STRN: variants seen among roughly 807,000 people sequenced by gnomAD.
The protein encoded by STRN is striatin.
STRN carries 53 observed loss-of-function variants against 96.3 expected under a neutral mutation model. That is an observed-to-expected ratio of 0.55 (90% CI 0.44 to 0.69). The LOEUF is 0.69. Ranked by LOEUF, STRN falls within the 30% of genes least tolerant of loss-of-function variation. The probability of loss-of-function intolerance (pLI) is 0.00; values close to 1 mark genes in which losing one functional copy is unlikely to be tolerated. For missense variants in STRN, 987 were observed against 963.9 expected (o/e 1.02, Z -0.32); for synonymous variants, 428 against 355.9 (o/e 1.20, Z -2.28).
chr2:36,939,074 C>T (rs1670776737), intron 1 of STRN, among the ~76,000 whole-genome samples: 1 of 152,006 alleles, frequency 6.6e-6, no homozygotes, highest in African/African-American at 2.4e-5. Flanking sequence ...CAACCTCCAA[C>T]TTGCTGGTTC....
rs533204195 is a variant in STRN at position 36,862,314 on chromosome 2, G to A, written c.1548-1061C>T. Among the ~76,000 whole-genome samples, 3 of 152,246 alleles carry A rather than the reference G, an allele frequency of 2.0e-5. No individual in the cohort carries two copies. The South Asian group carries it at 6.2e-4, about 32-fold the overall frequency. On this transcript the variant is annotated intron_variant, in intron 12 of 17. Coordinates refer to ENST00000263918, the MANE Select transcript of STRN (RefSeq NM_003162.4). ...TGACTGGTAGTTCAAACTTCTTTGA[G>A]AAATCACCAAACTGGCTTTCCACAG...
At chr2:36,907,259 G>A (rs1669845736) in intron 3 of STRN, among the ~76,000 whole-genome samples, 2 of 152,100 alleles carry the variant, frequency 1.3e-5, no homozygotes, top group East Asian at 1.9e-4. Flanking sequence ...TTGAAATTAA[G>A]TATTTACGGG....
At chr2:36,886,695 G>C (rs746665294) in intron 8 of STRN, 21 bp downstream of exon 8, 20 of 1,572,330 alleles carry the variant, frequency 1.3e-5, no homozygotes, top group Non-Finnish European at 1.7e-5. Context: ...ATGATTTACA[G>C]ATACAATGTT....
At chr2:36,893,360 A>G (rs1011186598) in intron 7 of STRN, among the ~76,000 whole-genome samples, 1 of 152,116 alleles carries the variant, frequency 6.6e-6, no homozygotes, top group Non-Finnish European at 1.5e-5. Context: ...AAATTAAATG[A>G]CCTTTTTTTT....
intron 8 of STRN, among the ~76,000 whole-genome samples, chr2:36,886,099 T>C (rs1457346525): frequency 1.3e-5 from 2 of 152,174 alleles, no homozygotes; most frequent in African/African-American, 2.4e-5. Flanking sequence ...GATTTTGTTT[T>C]TGATGTGGCA....
intron 5 of STRN, among the ~76,000 whole-genome samples, chr2:36,901,249 T>C (rs1669674342): frequency 6.6e-6 from 1 of 152,100 alleles, no homozygotes; most frequent in South Asian, 2.1e-4. Flanking sequence ...GCATTATAGT[T>C]CTTAAAAACA....
At chr2:36,850,951 GA>G in intron 16 of STRN, 48 bp downstream of exon 16, 1 of 751,034 alleles carries the variant, frequency 1.3e-6, no homozygotes, top group Non-Finnish European at 2.0e-6. Flanking sequence ...TTGTGGTAGG[GA>G]TTTTTTTTTT....
chr2:36,871,463 C>CAGTTA (rs1668761126), intron 10 of STRN, among the ~76,000 whole-genome samples: 1 of 152,294 alleles, frequency 6.6e-6, no homozygotes, highest in South Asian at 2.1e-4. Context: ...AAAGCCTATA[C>CAGTTA]CATTTAGGCT....
At chr2:36,916,017 C>T in intron 3 of STRN, 61 bp downstream of exon 3, 3 of 1,409,698 alleles carry the variant, frequency 2.1e-6, no homozygotes, top group Non-Finnish European at 3.0e-6. Flanking sequence ...GTAAATGCTG[C>T]TAGAAAATAC....
intron 14 of STRN, among the ~76,000 whole-genome samples, chr2:36,856,998 C>T (rs1407101490): frequency 1.3e-5 from 2 of 151,920 alleles, no homozygotes; most frequent in African/African-American, 2.4e-5. Flanking sequence ...TGTACAGAAC[C>T]GTCAACCAAT....
intron 6 of STRN, among the ~76,000 whole-genome samples, chr2:36,897,408 AT>A (rs1358686575): frequency 6.6e-6 from 1 of 150,934 alleles, no homozygotes; most frequent in Non-Finnish European, 1.5e-5. Flanking sequence ...TTGCTTAGAA[AT>A]ATTTTTTTCC....
rs773297189 is a variant in STRN at position 36,838,169 on chromosome 2, G to T, written c.*11287C>A. The stretch of plus-strand genomic sequence containing the variant: ...AAAATAATTTGATGCACCCTGGCAA[G>T]CTTTGAAGGTGGAAGGGACCACGTG... On this transcript the variant is annotated 3_prime_UTR_variant, in exon 18 of 18. Transcript: ENST00000263918. Among the ~76,000 whole-genome samples the T allele has an allele frequency of 1.3e-5, 2 of 152,250 alleles. No individual in the cohort carries two copies. Among genetic ancestry groups the T allele is most frequent in the Non-Finnish European group, 2.9e-5 (2 of 68,036 alleles).
chr2:36,883,809 A>G (rs1669140671), intron 9 of STRN, 123 bp downstream of exon 9: 2 of 963,546 alleles, frequency 2.1e-6, no homozygotes, highest in African/African-American at 3.4e-5. Flanking sequence ...ATTTGGGGAA[A>G]ACTATGCAGA....
At chr2:36,878,090 T>G (rs1668964237) in intron 9 of STRN, 63 bp from the exon 10 acceptor site, 2 of 1,578,630 alleles carry the variant, frequency 1.3e-6, no homozygotes, top group African/African-American at 2.7e-5. Flanking sequence ...TAGTCTCATT[T>G]GCTTGCATCA....
chr2:36,840,201 G>T lies in STRN; in HGVS notation c.*9255C>A, dbSNP rs891495550. ...TGGAAGTGGACCTGTTCTGAGCCCAGGATAATCAAGGCAGGCTCAGGTTCC... is the reference window on the plus strand; with the variant it reads ...TGGAAGTGGACCTGTTCTGAGCCCATGATAATCAAGGCAGGCTCAGGTTCC... On this transcript the variant is annotated 3_prime_UTR_variant, in exon 18 of 18. Transcript: ENST00000263918. 1 of 152,106 alleles carries T rather than the reference G, an allele frequency of 6.6e-6. No homozygotes were observed. Among genetic ancestry groups the T allele is most frequent in the African/African-American group, 2.4e-5 (1 of 41,372 alleles). 9.4% of individuals were successfully genotyped at this position (152,106 alleles called of 1,614,324 possible).
At chr2:36,907,211 A>G (rs758340136) in intron 3 of STRN, among the ~76,000 whole-genome samples, 1 of 152,178 alleles carries the variant, frequency 6.6e-6, no homozygotes, top group Non-Finnish European at 1.5e-5. Context: ...ATTCAAGTGG[A>G]GATACAATAG....
chr2:36,887,951 C>T (rs1669283473), intron 7 of STRN, among the ~76,000 whole-genome samples: 1 of 152,278 alleles, frequency 6.6e-6, no homozygotes, highest in South Asian at 2.1e-4. Flanking sequence ...GTTCATTCTA[C>T]ATTTCCATTA....
rs2148122048 is a variant in STRN, at chr2:36,849,191, C to A, written c.*265G>T. On this transcript the variant is annotated 3_prime_UTR_variant, in exon 18 of 18. Transcript: ENST00000263918. ...TCAGGCCTGCCTAGCGAATTAGAAC[C>A]ACCTCAGAAATAAAGGCGCCTATTG... 1 of 402,226 alleles carries A rather than the reference C, an allele frequency of 2.5e-6. No homozygotes were observed. The highest frequency in any genetic ancestry group is 4.5e-6 in the Non-Finnish European group (1 of 223,800). The allele number at this position is 402,226 out of a possible 1,614,324, so 24.9% of individuals were successfully genotyped here.
At position 36,837,861 on chromosome 2, in the gene STRN, C is replaced by G. The variant is rs2540941; in HGVS notation, c.*11595G>C. Among the ~76,000 whole-genome samples, 1 of 151,816 alleles carries G rather than the reference C, an allele frequency of 6.6e-6. No homozygotes were observed. On this transcript the variant is annotated 3_prime_UTR_variant, in exon 18 of 18. Coordinates refer to ENST00000263918, the MANE Select transcript of STRN (RefSeq NM_003162.4). Reference sequence around the variant, plus strand: ...TTCACAAACTAGTTAACTAAAAAGACAAACGGTACAAACATATGGACCAAA... The same window carrying G: ...TTCACAAACTAGTTAACTAAAAAGAGAAACGGTACAAACATATGGACCAAA...
Sources: gnomAD v4.1 joint callset for allele counts (sites outside exome capture counted in the v4.1 genomes callset) on GRCh38, gnomAD v4.1.1 for gene constraint, MANE v1.5 for transcripts, NCBI Gene and HGNC (gene_info 2026-07-23, HGNC 2026-07-21) for gene names.